VPS54: variants seen among roughly 807,000 people sequenced by gnomAD.
The protein encoded by VPS54 is VPS54 subunit of GARP complex.
In VPS54, 45 loss-of-function variants were observed where a neutral mutation model predicts 121.5. That is an observed-to-expected ratio of 0.37 (90% CI 0.29 to 0.47). VPS54 has a LOEUF of 0.47. VPS54 is among the 20% of genes least tolerant of loss of function. VPS54 has a pLI of 0.99. For missense variants in VPS54, 1,090 were observed against 1,131.4 expected, an observed-to-expected ratio of 0.96 and a Z score of 0.52; for synonymous variants, 371 against 385.8, an observed-to-expected ratio of 0.96 and a Z score of 0.45.
At chr2:63,902,995 T>TAACATAACATAACATAACAC (rs1672749918) in intron 20 of VPS54, among the ~76,000 whole-genome samples, 1 of 151,860 alleles carries the variant, frequency 6.6e-6, no homozygotes, top group African/African-American at 2.4e-5. Flanking sequence ...TAACATAACA[T>TAACATAACATAACATAACAC]AACATAACAC....
chr2:63,982,103 T>C (rs1325172252), intron 2 of VPS54, among the ~76,000 whole-genome samples: 2 of 152,180 alleles, frequency 1.3e-5, no homozygotes, highest in Non-Finnish European at 2.9e-5. Flanking sequence ...AGATAAAAGA[T>C]ATGCAAAATT....
chr2:63,974,965 A>T (rs951277387), intron 3 of VPS54: 1 of 1,543,728 alleles, frequency 6.5e-7, no homozygotes, highest in African/African-American at 1.4e-5. Context: ...TAAAAGAAAC[A>T]GTGACAGGGG....
intron 7 of VPS54, among the ~76,000 whole-genome samples, chr2:63,956,713 G>C (rs768134082): frequency 6.6e-6 from 1 of 152,104 alleles, no homozygotes; most frequent in Non-Finnish European, 1.5e-5. Context: ...ACAGTTTTTT[G>C]GGGAGTGGGC....
intron 12 of VPS54, among the ~76,000 whole-genome samples, chr2:63,923,137 A>G (rs1673724782): frequency 6.6e-6 from 1 of 151,950 alleles, no homozygotes; most frequent in African/African-American, 2.4e-5. Context: ...CACATGGTGA[A>G]ACCCCGTCTC....
chr2:63,974,896 A>T (rs1398522548), intron 3 of VPS54: 30 of 1,356,858 alleles, frequency 2.2e-5, no homozygotes, highest in Non-Finnish European at 2.7e-5. Flanking sequence ...CTTCTTCCTA[A>T]TTTTTATATA....
In VPS54 at chr2:63,916,725, G is replaced by C. The variant is rs767955845; in HGVS notation, c.2228+175C>G. ...ATAATGTATGCTACAGAAGAGAGAA[G>C]ATAAAGAAATCCATAAAGTTTCCTT... is the stretch of plus-strand genomic sequence containing the variant. On this transcript the variant is annotated intron_variant, in intron 16 of 22. Coordinates refer to ENST00000272322, the MANE Select transcript of VPS54 (RefSeq NM_016516.3). Among the ~76,000 whole-genome samples, 5 of 152,192 alleles carry C rather than the reference G, an allele frequency of 3.3e-5. 1 individual carries two copies. The highest frequency in any genetic ancestry group is 3.4e-3 in the Middle Eastern group (1 of 294).
chr2:63,974,234 T>C (rs1676415546), intron 3 of VPS54, among the ~76,000 whole-genome samples: 1 of 152,224 alleles, frequency 6.6e-6, no homozygotes. Context: ...GAATTACCTT[T>C]GCCCCTTTGT....
chr2:64,000,311 TTC>T (rs773039603), intron 1 of VPS54, among the ~76,000 whole-genome samples: 1 of 152,374 alleles, frequency 6.6e-6, no homozygotes, highest in African/African-American at 2.4e-5. Context: ...TATCTTGAAT[TTC>T]TCTGAGTTTT....
At chr2:63,903,403 A>C (rs1672771480) in intron 20 of VPS54, among the ~76,000 whole-genome samples, 2 of 152,186 alleles carry the variant, frequency 1.3e-5, no homozygotes, top group Admixed American at 1.3e-4. Context: ...TATGAGTGGA[A>C]TGTTTTCAGG....
Position 63,954,381 on chromosome 2 carries a change from A to C in VPS54, c.1011-5218T>G, listed in dbSNP as rs572792891. Among the ~76,000 whole-genome samples the C allele has an allele frequency of 2.0e-5, 3 of 152,302 alleles. No homozygotes were observed. The South Asian group carries it at 6.2e-4, about 32-fold the overall frequency. On this transcript the variant is annotated intron_variant, in intron 7 of 22. Coordinates refer to ENST00000272322, the MANE Select transcript of VPS54 (RefSeq NM_016516.3). ...CCATGTATTTATAATATCTTTAAAA[A>C]TTCATCAGTTATCTTTGGAGGATGC...
At chr2:63,979,301 G>A (rs1294957716) in intron 3 of VPS54, among the ~76,000 whole-genome samples, 1 of 148,088 alleles carries the variant, frequency 6.8e-6, no homozygotes, top group African/African-American at 2.5e-5. Flanking sequence ...GTGCAATGGT[G>A]CGATCTCGGC....
chr2:63,899,787 TA>T (rs1672600078), intron 20 of VPS54, among the ~76,000 whole-genome samples: 1 of 152,212 alleles, frequency 6.6e-6, no homozygotes, highest in South Asian at 2.1e-4. Flanking sequence ...TTGAAGGAAC[TA>T]AAATAGCTCA....
At chr2:63,929,425 T>C (rs993894257) in intron 12 of VPS54, among the ~76,000 whole-genome samples, 12 of 152,158 alleles carry the variant, frequency 7.9e-5, no homozygotes, top group African/African-American at 2.9e-4. Flanking sequence ...ACTGGGTAAA[T>C]AACAAAATGA....
At chr2:63,910,761 A>G (rs1307836577) in intron 20 of VPS54, among the ~76,000 whole-genome samples, 1 of 152,248 alleles carries the variant, frequency 6.6e-6, no homozygotes, top group Non-Finnish European at 1.5e-5. Flanking sequence ...GTAAGTTGTC[A>G]TAGGAAAAAG....
chr2:63,893,550 G>T lies in VPS54; in HGVS notation c.2829-15C>A, dbSNP rs1558972246. 6.3e-7 allele frequency: 1 copy of T among 1,593,274 alleles called. No individual in the cohort carries two copies. The highest frequency in any genetic ancestry group is 1.1e-5 in the South Asian group (1 of 88,428). On this transcript the variant is annotated splice_polypyrimidine_tract_variant and intron_variant, in intron 22 of 22. Coordinates refer to ENST00000272322, the MANE Select transcript of VPS54 (RefSeq NM_016516.3). ...CTGTGACCAACCTAAATAATGGAGA[G>T]AAAATTATTTTTTAAATCTCAAACT...
rs184817878 is a variant in VPS54, at chr2:63,994,891, G to A, written c.-20-10872C>T. Among the ~76,000 whole-genome samples the A allele has an allele frequency of 8.5e-4, 130 of 152,284 alleles. 1 individual carries two copies. Among genetic ancestry groups the A allele is most frequent in the Non-Finnish European group, 1.2e-3 (80 of 68,018 alleles). ...CCAAAGGGCTATTTAAAAAACAAGTGCTCTTCTGGTGGAAGGGAATGCCTG... is the reference window on the plus strand; with the variant it reads ...CCAAAGGGCTATTTAAAAAACAAGTACTCTTCTGGTGGAAGGGAATGCCTG... On this transcript the variant is annotated intron_variant, in intron 1 of 22. Coordinates refer to ENST00000272322, the MANE Select transcript of VPS54 (RefSeq NM_016516.3).
chr2:64,009,226 T>C (rs1227985510), intron 1 of VPS54, among the ~76,000 whole-genome samples: 2 of 152,256 alleles, frequency 1.3e-5, no homozygotes, highest in Admixed American at 1.3e-4. Flanking sequence ...CTTATGTTCA[T>C]CTTCTATTGA....
At chr2:63,978,343 G>T (rs1248066423) in intron 3 of VPS54, among the ~76,000 whole-genome samples, 1 of 152,202 alleles carries the variant, frequency 6.6e-6, no homozygotes, top group Non-Finnish European at 1.5e-5. Context: ...GATGAAGCAA[G>T]CAAGAAGCAT....
At chr2:63,974,970 CA>C (rs1676456831) in intron 3 of VPS54, 7 of 1,545,526 alleles carry the variant, frequency 4.5e-6, no homozygotes, top group Non-Finnish European at 5.2e-6. Context: ...GAAACAGTGA[CA>C]GGGGACATCC....
Sources: allele counts gnomAD v4.1 joint callset (sites outside exome capture counted in the v4.1 genomes callset), GRCh38; gene constraint gnomAD v4.1.1; transcripts MANE v1.5; gene names NCBI Gene and HGNC (gene_info 2026-07-23, HGNC 2026-07-21).